Variants in KCNMA1 observed in about 807,000 individuals in gnomAD.
KCNMA1 encodes potassium calcium-activated channel subfamily M alpha 1, also known as Calcium-activated potassium channel subunit alpha-1.
A neutral mutation model predicts 140.0 loss-of-function variants in KCNMA1; 29 were observed. That is an observed-to-expected ratio of 0.21 (90% CI 0.15 to 0.28). The LOEUF is 0.28. Among genes scored for constraint, KCNMA1 ranks in the 10% least tolerant of loss-of-function variants. The pLI is 1.00. For synonymous variants in KCNMA1, 612 were observed against 611.9 expected (o/e 1.00, Z 0.00); for missense variants, 880 against 1,602.2 (o/e 0.55, Z 7.70).
intron 2 of KCNMA1, among the ~76,000 whole-genome samples, chr10:77,268,552 C>A (rs1565613295): frequency 6.6e-6 from 1 of 152,066 alleles, no homozygotes; most frequent in Non-Finnish European, 1.5e-5. Flanking sequence ...AAACAGGGAT[C>A]TCTAGATTTC....
chr10:76,906,879 T>C (rs1221761362), intron 25 of KCNMA1, among the ~76,000 whole-genome samples: 1 of 152,232 alleles, frequency 6.6e-6, no homozygotes, highest in Non-Finnish European at 1.5e-5. Context: ...ACTCAGACCC[T>C]ACTCAAGACC....
At chr10:77,367,009 C>G (rs1348736386) in intron 2 of KCNMA1, among the ~76,000 whole-genome samples, 1 of 152,142 alleles carries the variant, frequency 6.6e-6, no homozygotes. Flanking sequence ...CTTTGAAAAG[C>G]CTGTGTTCCT....
chr10:77,211,427 T>C (rs2046046733), intron 3 of KCNMA1, among the ~76,000 whole-genome samples: 2 of 152,190 alleles, frequency 1.3e-5, no homozygotes, highest in Non-Finnish European at 2.9e-5. Flanking sequence ...ACTGGACTCT[T>C]ACCTTTCACC....
chr10:76,941,014 G>A (rs190999054), intron 23 of KCNMA1, among the ~76,000 whole-genome samples: 672 of 27,914 alleles, frequency 0.024, 8 homozygotes, highest in African/African-American at 0.085. Flanking sequence ...AGGAAGGAAG[G>A]AAGGAAGAAA....
Position 77,073,031 on chromosome 10 carries a change from C to T in KCNMA1, c.1749+66G>A, listed in dbSNP as rs1260537900. The T allele has an allele frequency of 2.1e-6, 3 of 1,455,348 alleles. No individual in the cohort carries two copies. The African/African-American group carries it at 4.2e-5, about 20-fold the overall frequency. The allele number at this position is 1,455,348 out of a possible 1,614,324, so 90.2% of individuals were successfully genotyped here. ...CGATCTGTTTTGAGTTTAAGCTGTG[C>T]TCTCTACTCAACCCCACGACAAATG... On this transcript the variant is annotated intron_variant, in intron 14 of 27. Transcript: ENST00000286628.
In KCNMA1 at chr10:77,231,414, T is replaced by C. The variant is rs181921426; in HGVS notation, c.602+19781A>G. 1.3e-3 allele frequency among the ~76,000 whole-genome samples: 203 copies of C among 152,320 alleles called. 2 individuals are homozygous for C. The highest frequency in any genetic ancestry group is 4.7e-3 in the African/African-American group (196 of 41,576). Reference sequence around the variant, plus strand: ...TTGTGTGTAAATTTGTGTGCATGTATGATGAATATTTTTCCCTGCTAAAAG... The same window carrying C: ...TTGTGTGTAAATTTGTGTGCATGTACGATGAATATTTTTCCCTGCTAAAAG... On this transcript the variant is annotated intron_variant, in intron 3 of 27. Coordinates refer to ENST00000286628, the MANE Select transcript of KCNMA1 (RefSeq NM_001161352.2).
At chr10:77,344,661 T>C (rs1232011540) in intron 2 of KCNMA1, among the ~76,000 whole-genome samples, 4 of 152,154 alleles carry the variant, frequency 2.6e-5, no homozygotes, top group Non-Finnish European at 4.4e-5. Flanking sequence ...GTAGACTGAC[T>C]GTCTTCCCTC....
At chr10:77,375,071 T>C (rs185944217) in intron 2 of KCNMA1, among the ~76,000 whole-genome samples, 139 of 152,096 alleles carry the variant, frequency 9.1e-4, no homozygotes, top group Admixed American at 3.2e-3. Context: ...ACCTAAGTGC[T>C]GAGAAAAGTC....
At chr10:76,947,024 G>A (rs138377067) in intron 22 of KCNMA1, among the ~76,000 whole-genome samples, 1,828 of 152,250 alleles carry the variant, frequency 0.012, 36 homozygotes, top group African/African-American at 0.04. Flanking sequence ...CATGAAGAAA[G>A]ATGAGTGAAC....
intron 1 of KCNMA1, among the ~76,000 whole-genome samples, chr10:77,441,785 G>A (rs1344507022): frequency 1.3e-5 from 2 of 152,042 alleles, no homozygotes; most frequent in Admixed American, 6.6e-5. Context: ...GGGCTGATCC[G>A]CTTAATTATT....
At chr10:77,139,918 A>C (rs955904232) in intron 5 of KCNMA1, among the ~76,000 whole-genome samples, 1 of 152,208 alleles carries the variant, frequency 6.6e-6, no homozygotes, top group Non-Finnish European at 1.5e-5. Flanking sequence ...AATTATCGAT[A>C]GGTCCAAATG....
intron 20 of KCNMA1, among the ~76,000 whole-genome samples, chr10:76,961,566 A>G (rs1565211038): frequency 6.6e-6 from 1 of 152,224 alleles, no homozygotes; most frequent in African/African-American, 2.4e-5. Flanking sequence ...TACTCTGGGT[A>G]AAATGCTATC....
chr10:77,055,661 A>G (rs998698622), intron 14 of KCNMA1, among the ~76,000 whole-genome samples: 1 of 152,138 alleles, frequency 6.6e-6, no homozygotes, highest in Non-Finnish European at 1.5e-5. Flanking sequence ...TCCTGAGAGA[A>G]TGAAAACCAA....
intron 9 of KCNMA1, among the ~76,000 whole-genome samples, chr10:77,096,060 A>G (rs1404999417): frequency 6.6e-6 from 1 of 152,208 alleles, no homozygotes; most frequent in African/African-American, 2.4e-5. Context: ...AGTTTATCTC[A>G]GCATCTGAAT....
chr10:77,432,753 A>C (rs1232491867), intron 1 of KCNMA1, among the ~76,000 whole-genome samples: 6 of 152,230 alleles, frequency 3.9e-5, no homozygotes, highest in Non-Finnish European at 5.9e-5. Context: ...CACTCAAAAA[A>C]AACAACAACA....
Position 77,091,348 on chromosome 10 carries a change from C to T in KCNMA1, c.1224-838G>A, listed in dbSNP as rs1262135188. The T allele has an allele frequency of 2.6e-5, 4 of 152,298 alleles. 1 individual carries two copies. The highest frequency in any genetic ancestry group is 4.1e-4 in the South Asian group (2 of 4,834). 9.4% of individuals were successfully genotyped at this position (152,298 alleles called of 1,614,324 possible). A position where few individuals can be genotyped will look rare whatever the true frequency, so the allele number is the denominator to read the frequency against. On this transcript the variant is annotated intron_variant, in intron 9 of 27. Transcript: ENST00000286628. ...CTGTTTCTGGAAGTAGTGGCTCACC[C>T]GGAAGAGATGAGCCCCACAACTGTT...
chr10:76,894,405 T>G (rs1443651327), intron 25 of KCNMA1, among the ~76,000 whole-genome samples: 1 of 152,192 alleles, frequency 6.6e-6, no homozygotes, highest in Non-Finnish European at 1.5e-5. Flanking sequence ...TAAGTCTTTA[T>G]GACCTTTGAT....
Position 77,189,687 on chromosome 10 carries a change from G to A in KCNMA1, c.603-4771C>T, listed in dbSNP as rs182881770. On this transcript the variant is annotated intron_variant, in intron 3 of 27. Coordinates refer to ENST00000286628, the MANE Select transcript of KCNMA1 (RefSeq NM_001161352.2). ...ATCATTTTGTGAAATAATTTCCAAC[G>A]TTCAAATTCTCCTCACTCTTGTGGC... is the stretch of plus-strand genomic sequence containing the variant. 6.8e-3 allele frequency among the ~76,000 whole-genome samples: 1,033 copies of A among 152,174 alleles called. 6 individuals are homozygous for A. Among genetic ancestry groups the A allele is most frequent in the Non-Finnish European group, 0.011 (766 of 68,004 alleles).
chr10:76,923,127 C>A (rs985420816), intron 23 of KCNMA1, among the ~76,000 whole-genome samples: 1 of 152,154 alleles, frequency 6.6e-6, no homozygotes, highest in Non-Finnish European at 1.5e-5. Context: ...TTGGGTCCAA[C>A]CCAAACCAAA....
Sources: gnomAD v4.1 joint callset for allele counts (sites outside exome capture counted in the v4.1 genomes callset) on GRCh38, gnomAD v4.1.1 for gene constraint, MANE v1.5 for transcripts, NCBI Gene and HGNC (gene_info 2026-07-23, HGNC 2026-07-21) for gene names.